HOXA13: variants seen among roughly 807,000 people sequenced by gnomAD.
The protein encoded by HOXA13 is homeobox A13.
In HOXA13, 5 loss-of-function variants were observed where a neutral mutation model predicts 25.7. That is an observed-to-expected ratio of 0.19 (90% CI 0.10 to 0.41). The LOEUF (loss-of-function observed/expected upper bound fraction) is 0.41, where lower values mean the gene tolerates loss of function less well. HOXA13 is among the 10% of genes least tolerant of loss of function. The probability of loss-of-function intolerance (pLI) is 1.00; values close to 1 mark genes in which losing one functional copy is unlikely to be tolerated. For synonymous variants in HOXA13, 284 were observed against 241.1 expected, an observed-to-expected ratio of 1.18 and a Z score of -1.65; for missense variants, 557 against 533.5, an observed-to-expected ratio of 1.04 and a Z score of -0.43.
At chr7:27,198,542 G>A (rs541839880) in intron 1 of HOXA13, 100 bp from the exon 2 acceptor site, 317 of 1,427,514 alleles carry the variant, frequency 2.2e-4, no homozygotes, top group Non-Finnish European at 3.0e-4. Context: ...GCGCCCGGCT[G>A]CTCTTTGCCA....
chr7:27,196,201 C>A lies in HOXA13; in HGVS notation c.*1997G>T, dbSNP rs1028324470. On this transcript the variant is annotated 3_prime_UTR_variant, in exon 2 of 2. Transcript: ENST00000649031. ...ACAAGCACTAATATGCAAATGTATA[C>A]ATGTGTACACATATTATATATATTT... The A allele has an allele frequency of 6.6e-6, 1 of 152,170 alleles. No individual in the cohort carries two copies. The highest frequency in any genetic ancestry group is 6.5e-5 in the Admixed American group (1 of 15,274). 9.4% of individuals were successfully genotyped at this position (152,170 alleles called of 1,614,324 possible). A position where few individuals can be genotyped will look rare whatever the true frequency, so the allele number is the denominator to read the frequency against.
Position 27,199,976 on chromosome 7 carries a change from GTTC to G in HOXA13, c.99_101del (p.Lys33del). 1 of 1,457,516 alleles carries G rather than the reference GTTC, an allele frequency of 6.9e-7. No homozygotes were observed. The highest frequency in any genetic ancestry group is 9.2e-7 in the Non-Finnish European group (1 of 1,091,096). 90.3% of individuals were successfully genotyped at this position (1,457,516 alleles called of 1,614,324 possible). ...CTGCAGCCGCCGCCGCCCCTTCCATGTTCTTGTTGAGCTCGTCGGCCACCAGGC... is the reference window on the plus strand; with the variant it reads ...CTGCAGCCGCCGCCGCCCCTTCCATGTTGTTGAGCTCGTCGGCCACCAGGC... On this transcript the variant is annotated inframe_deletion, in exon 1 of 2. Coordinates refer to ENST00000649031, the MANE Select transcript of HOXA13 (RefSeq NM_000522.5).
chr7:27,195,976 T>A lies in HOXA13; in HGVS notation c.*2222A>T, dbSNP rs1783999480. On this transcript the variant is annotated 3_prime_UTR_variant, in exon 2 of 2. Coordinates refer to ENST00000649031, the MANE Select transcript of HOXA13 (RefSeq NM_000522.5). ...CAAAAATGTACAGCTTTAAAGCAGA[T>A]CTGCAGAAATCTGATGCAGAGCAAG... The A allele has an allele frequency of 6.6e-6, 1 of 152,148 alleles. No homozygotes were observed. Among genetic ancestry groups the A allele is most frequent in the South Asian group, 2.1e-4 (1 of 4,830 alleles). The allele number at this position is 152,148 out of a possible 1,614,324, so 9.4% of individuals were successfully genotyped here.
chr7:27,199,930 C>A lies in HOXA13; in HGVS notation c.148G>T (p.Ala50Ser). Residue 50 changes from alanine (A) to serine (S), a missense_variant, in exon 1 of 2, where the codon GCT (alanine) becomes TCT (serine). By Grantham distance (99) the Ala-to-Ser change is moderately conservative. Transcript: ENST00000649031. ...AAAAAAAAAA[A>S]AGAGGGGFPH... The stretch of plus-strand genomic sequence containing the variant: ...AAGCCCCCGCCCCCGGCCCCGGCAG[C>A]CGCCGCCGCTGCAGCCGCTGCTGCA... 1.6e-6 allele frequency: 2 copies of A among 1,244,142 alleles called. No homozygotes were observed. Among genetic ancestry groups the A allele is most frequent in the South Asian group, 2.2e-5 (1 of 45,510 alleles). 77.1% of individuals were successfully genotyped at this position (1,244,142 alleles called of 1,614,324 possible).
In HOXA13 at chr7:27,199,147, G is replaced by T; in HGVS notation, c.922+9C>A. 5.0e-6 allele frequency: 8 copies of T among 1,607,512 alleles called. No homozygotes were observed. Among genetic ancestry groups the T allele is most frequent in the Non-Finnish European group, 6.8e-6 (8 of 1,178,602 alleles). ...GGAAGACCAGGGCTGGGAATAGGTCGTCATTTACCGGGCAGAGTGGACTTC... is the reference window on the plus strand; with the variant it reads ...GGAAGACCAGGGCTGGGAATAGGTCTTCATTTACCGGGCAGAGTGGACTTC... On this transcript the variant is annotated intron_variant, in intron 1 of 1. Transcript: ENST00000649031.
At position 27,198,093 on chromosome 7, in the gene HOXA13, T is replaced by G. The variant is rs1784026697; in HGVS notation, c.*105A>C. 4 of 1,279,190 alleles carry G rather than the reference T, an allele frequency of 3.1e-6. No homozygotes were observed. The highest frequency in any genetic ancestry group is 2.2e-6 in the Non-Finnish European group (2 of 889,264). 79.2% of individuals were successfully genotyped at this position (1,279,190 alleles called of 1,614,324 possible). On this transcript the variant is annotated 3_prime_UTR_variant, in exon 2 of 2. Coordinates refer to ENST00000649031, the MANE Select transcript of HOXA13 (RefSeq NM_000522.5). Reference sequence around the variant, plus strand: ...AAATGCCAGTCTCTGTCTCTTTCTCTTTCCCATTCTTCAATTATTATTAAG... The same window carrying G: ...AAATGCCAGTCTCTGTCTCTTTCTCGTTCCCATTCTTCAATTATTATTAAG...
rs1336528547 is a variant in HOXA13 at position 27,199,260 on chromosome 7, A to T, written c.818T>A (p.Met273Lys). 1.2e-6 allele frequency: 2 copies of T among 1,613,832 alleles called. No individual in the cohort carries two copies. The highest frequency in any genetic ancestry group is 1.7e-6 in the Non-Finnish European group (2 of 1,179,960). Reference sequence around the variant, plus strand: ...CAGCGCCCAGGGCTGGTAGCTTTCCATGGGAAGACCCAAGGGTTCGTGGCG... The same window carrying T: ...CAGCGCCCAGGGCTGGTAGCTTTCCTTGGGAAGACCCAAGGGTTCGTGGCG... ...ESRHEPLGLP[M>K]ESYQPWALPN... Residue 273 changes from methionine to lysine, a missense_variant, in exon 1 of 2, where the codon ATG becomes AAG. Met to Lys is a moderately conservative substitution (Grantham distance 95). Transcript: ENST00000649031.
At position 27,197,037 on chromosome 7, in the gene HOXA13, T is replaced by C. The variant is rs1233078350; in HGVS notation, c.*1161A>G. The C allele has an allele frequency of 1.5e-5, 3 of 201,558 alleles. No homozygotes were observed. The highest frequency in any genetic ancestry group is 4.6e-5 in the African/African-American group (2 of 43,660). 12.5% of individuals were successfully genotyped at this position (201,558 alleles called of 1,614,324 possible). ...TCTTTATTTACAAGATATCATTCTA[T>C]AGTGAATATGAACAAAACGAATGTG... On this transcript the variant is annotated 3_prime_UTR_variant, in exon 2 of 2. Transcript: ENST00000649031.
At chr7:27,198,537 C>T (rs747311316) in intron 1 of HOXA13, 95 bp from the exon 2 acceptor site, 1 of 1,509,314 alleles carries the variant, frequency 6.6e-7, no homozygotes. Flanking sequence ...TTGCAGCGCC[C>T]GGCTGCTCTT....
Position 27,199,436 on chromosome 7 carries a change from G to C in HOXA13, c.642C>G (p.Ala214=). 1.9e-6 allele frequency: 3 copies of C among 1,613,710 alleles called. No individual in the cohort carries two copies. The highest frequency in any genetic ancestry group is 2.5e-6 in the Non-Finnish European group (3 of 1,179,934). ...AGCTGAACTCCTCGGCAGCTGGGCCGGCGGTATCCATGTACTTGTCCGCGA... is the reference window on the plus strand; with the variant it reads ...AGCTGAACTCCTCGGCAGCTGGGCCCGCGGTATCCATGTACTTGTCCGCGA... ...AAFADKYMDT[A]GPAAEEFSSR... The change falls in exon 1 of 2, where the codon GCC becomes GCG. Residue 214 remains alanine (A), a synonymous_variant. Coordinates refer to ENST00000649031, the MANE Select transcript of HOXA13 (RefSeq NM_000522.5).
In HOXA13 at chr7:27,199,928, A is replaced by C. The variant is rs1554275930; in HGVS notation, c.150T>G (p.Ala50=). 1 of 1,199,562 alleles carries C rather than the reference A, an allele frequency of 8.3e-7. No individual in the cohort carries two copies. The highest frequency in any genetic ancestry group is 1.1e-6 in the Non-Finnish European group (1 of 942,490). The allele number at this position is 1,199,562 out of a possible 1,614,324, so 74.3% of individuals were successfully genotyped here. A position where few individuals can be genotyped will look rare whatever the true frequency, so the allele number is the denominator to read the frequency against. The change falls in exon 1 of 2, where the codon GCT becomes GCG. Residue 50 remains alanine, a synonymous_variant. Transcript: ENST00000649031. ...AAAAAAAAAA[A]AGAGGGGFPH... Reference sequence around the variant, plus strand: ...GGAAGCCCCCGCCCCCGGCCCCGGCAGCCGCCGCCGCTGCAGCCGCTGCTG... The same window carrying C: ...GGAAGCCCCCGCCCCCGGCCCCGGCCGCCGCCGCCGCTGCAGCCGCTGCTG...
At position 27,196,699 on chromosome 7, in the gene HOXA13, A is replaced by AT; in HGVS notation, c.*1498dup. ...CTTTAATCTCCTTGAAGCACTTATC[A>AT]TTTTTTAGGATTTTAGTTATGAGGG... is the stretch of plus-strand genomic sequence containing the variant. On this transcript the variant is annotated 3_prime_UTR_variant, in exon 2 of 2. Transcript: ENST00000649031. 1 of 154,564 alleles carries AT rather than the reference A, an allele frequency of 6.5e-6. No individual in the cohort carries two copies. Among genetic ancestry groups the AT allele is most frequent in the East Asian group, 1.8e-4 (1 of 5,556 alleles). 9.6% of individuals were successfully genotyped at this position (154,564 alleles called of 1,614,324 possible).
At chr7:27,198,849 A>G in intron 1 of HOXA13, 1 of 445,116 alleles carries the variant, frequency 2.2e-6, no homozygotes, top group Non-Finnish European at 4.0e-6. Flanking sequence ...CAATTTGGGG[A>G]GCTGTTTTCT....
At position 27,198,206 on chromosome 7, in the gene HOXA13, T is replaced by C. The variant is rs749173832; in HGVS notation, c.1159A>G (p.Thr387Ala). The change falls in exon 2 of 2, where the codon ACT becomes GCT. Residue 387 changes from threonine (T) to alanine (A), a missense_variant. Coordinates refer to ENST00000649031, the MANE Select transcript of HOXA13 (RefSeq NM_000522.5). Reference sequence around the variant, plus strand: ...GCTCTATTTTTAATCCATTAACTAGTGGTTTTCAGTTTGTTGATGACTTTT... The same window carrying C: ...GCTCTATTTTTAATCCATTAACTAGCGGTTTTCAGTTTGTTGATGACTTTT... Reference protein sequence around the residue: ...EKKVINKLKTTS With the variant: ...EKKVINKLKTAS The C allele has an allele frequency of 1.2e-6, 2 of 1,614,044 alleles. No homozygotes were observed. The highest frequency in any genetic ancestry group is 8.5e-7 in the Non-Finnish European group (1 of 1,180,020).
rs750893226 is a variant in HOXA13 at position 27,199,146 on chromosome 7, C to A, written c.922+10G>T. 10 of 1,607,016 alleles carry A rather than the reference C, an allele frequency of 6.2e-6. No individual in the cohort carries two copies. The highest frequency in any genetic ancestry group is 4.0e-5 in the African/African-American group (3 of 74,736). ...CGGAAGACCAGGGCTGGGAATAGGT[C>A]GTCATTTACCGGGCAGAGTGGACTT... On this transcript the variant is annotated intron_variant, in intron 1 of 1. Transcript: ENST00000649031.
Position 27,198,483 on chromosome 7 carries a change from C to T in HOXA13, c.923-41G>A, listed in dbSNP as rs1342973897. On this transcript the variant is annotated intron_variant, in intron 1 of 1. Coordinates refer to ENST00000649031, the MANE Select transcript of HOXA13 (RefSeq NM_000522.5). Reference sequence around the variant, plus strand: ...GAAGGCAAGTTACACAGGGATCGGACCCCAGCCAGGGCATAGGCGACAGCT... The same window carrying T: ...GAAGGCAAGTTACACAGGGATCGGATCCCAGCCAGGGCATAGGCGACAGCT... 5 of 1,611,016 alleles carry T rather than the reference C, an allele frequency of 3.1e-6. 1 individual carries two copies. Among genetic ancestry groups the T allele is most frequent in the Non-Finnish European group, 4.2e-6 (5 of 1,179,952 alleles).
chr7:27,197,064 TG>T lies in HOXA13; in HGVS notation c.*1133del, dbSNP rs1380461347. On this transcript the variant is annotated 3_prime_UTR_variant, in exon 2 of 2. Coordinates refer to ENST00000649031, the MANE Select transcript of HOXA13 (RefSeq NM_000522.5). ...GTGAATATGAACAAAACGAATGTGCTGGTTGAAATAACTGCTTGATTAAAAA... is the reference window on the plus strand; with the variant it reads ...GTGAATATGAACAAAACGAATGTGCTGTTGAAATAACTGCTTGATTAAAAA... 3 of 205,210 alleles carry T rather than the reference TG, an allele frequency of 1.5e-5. No homozygotes were observed. Among genetic ancestry groups the T allele is most frequent in the African/African-American group, 6.8e-5 (3 of 43,816 alleles). 12.7% of individuals were successfully genotyped at this position (205,210 alleles called of 1,614,324 possible). A position where few individuals can be genotyped will look rare whatever the true frequency, so the allele number is the denominator to read the frequency against.
At position 27,199,426 on chromosome 7, in the gene HOXA13, C is replaced by T. The variant is rs748814782; in HGVS notation, c.652G>A (p.Ala218Thr). Residue 218 changes from alanine to threonine, a missense_variant, in exon 1 of 2, where the codon GCC (alanine) becomes ACC (threonine). Ala to Thr is a moderately conservative substitution (Grantham distance 58, BLOSUM62 0). Coordinates refer to ENST00000649031, the MANE Select transcript of HOXA13 (RefSeq NM_000522.5). ...DKYMDTAGPA[A>T]EEFSSRAKEF... ...TTAGCGCGGGAGCTGAACTCCTCGG[C>T]AGCTGGGCCGGCGGTATCCATGTAC... 6.2e-7 allele frequency: 1 copy of T among 1,613,886 alleles called. No individual in the cohort carries two copies.
chr7:27,198,707 G>C, intron 1 of HOXA13: 1 of 566,548 alleles, frequency 1.8e-6, no homozygotes, highest in South Asian at 2.0e-5. Flanking sequence ...GTGATAGCCT[G>C]GTCCAACGGC....
Sources: allele counts gnomAD v4.1 joint callset, GRCh38; gene constraint gnomAD v4.1.1; transcripts MANE v1.5; gene names NCBI Gene and HGNC (gene_info 2026-07-23, HGNC 2026-07-21).